The following NUP98 variants were observed in gnomAD, a reference collection of about 807,000 sequenced individuals.
NUP98 encodes nuclear pore complex protein Nup98-Nup96.
Under a neutral mutation model 191.9 loss-of-function variants are expected in NUP98, and 26 were observed. That is an observed-to-expected ratio of 0.14 (90% confidence interval 0.10 to 0.19). NUP98 has a LOEUF of 0.19. Among genes scored for constraint, NUP98 ranks in the 10% least tolerant of loss-of-function variants. NUP98 has a pLI of 1.00. For synonymous variants in NUP98, 808 were observed against 778.4 expected, an observed-to-expected ratio of 1.04 and a Z score of -0.63; for missense variants, 1,941 against 2,178.8, an observed-to-expected ratio of 0.89 and a Z score of 2.17.
At chr11:3,787,516 G>A (rs1240170416) in intron 1 of NUP98, among the ~76,000 whole-genome samples, 1 of 152,164 alleles carries the variant, frequency 6.6e-6, no homozygotes. Context: ...CCGGAAGGCA[G>A]AGGTTGCAGT....
At position 3,778,904 on chromosome 11, in the gene NUP98, G is replaced by C; in HGVS notation, c.324C>G (p.Ala108=). The C allele has an allele frequency of 6.2e-7, 1 of 1,614,152 alleles. No individual in the cohort carries two copies. Among genetic ancestry groups the C allele is most frequent in the Non-Finnish European group, 8.5e-7 (1 of 1,180,026 alleles). The stretch of plus-strand genomic sequence containing the variant: ...AGCCAGTTGGTTTATTTTGTGCAAA[G>C]GCATTGTTTTGGGATGAGAAGAGAC... ...GTSLFSSQNN[A]FAQNKPTGFG... The change falls in exon 4 of 33, where the codon GCC becomes GCG. Residue 108 remains alanine, a synonymous_variant. Coordinates refer to ENST00000324932, the MANE Select transcript of NUP98 (RefSeq NM_016320.5).
chr11:3,778,814 ACACATT>A, intron 4 of NUP98, 53 bp downstream of exon 4: 1 of 1,520,014 alleles, frequency 6.6e-7, no homozygotes. Context: ...AGAAAAGACA[ACACATT>A]CAATAAGCAA....
At chr11:3,683,075 G>T in intron 30 of NUP98, 125 bp downstream of exon 30, 1 of 1,411,888 alleles carries the variant, frequency 7.1e-7, no homozygotes, top group Non-Finnish European at 9.6e-7. Context: ...CTTTTGCAAA[G>T]TATGATTTGA....
intron 11 of NUP98, among the ~76,000 whole-genome samples, chr11:3,745,715 G>A (rs2134387258): frequency 6.6e-6 from 1 of 152,170 alleles, no homozygotes; most frequent in East Asian, 1.9e-4. Flanking sequence ...TAGCCTCTGA[G>A]TAGCTGGAAC....
intron 18 of NUP98, among the ~76,000 whole-genome samples, 184 bp downstream of exon 18, chr11:3,719,228 G>A (rs1010242710): frequency 2.6e-5 from 4 of 152,066 alleles, no homozygotes; most frequent in Non-Finnish European, 5.9e-5. Context: ...TCAGGGAAAA[G>A]GAGTTCAAAA....
intron 22 of NUP98, among the ~76,000 whole-genome samples, chr11:3,703,680 T>A (rs2078776945): frequency 6.6e-6 from 1 of 152,056 alleles, no homozygotes. Context: ...ATCCTAAAGG[T>A]AACGATTTCT....
intron 20 of NUP98, among the ~76,000 whole-genome samples, chr11:3,709,045 G>A (rs939539818): frequency 6.6e-6 from 1 of 152,126 alleles, no homozygotes; most frequent in Non-Finnish European, 1.5e-5. Flanking sequence ...TTGAAACAAG[G>A]CTGCCAATAC....
intron 4 of NUP98, among the ~76,000 whole-genome samples, chr11:3,778,643 T>C (rs2081839151): frequency 6.6e-6 from 1 of 152,248 alleles, no homozygotes; most frequent in South Asian, 2.1e-4. Context: ...TTCCTCTGCA[T>C]ATCCCTTAAA....
In NUP98 at chr11:3,779,142, A is replaced by T. The variant is rs1220967382; in HGVS notation, c.178+14T>A. ...CTACAAACAAACCAGTTATATCACAAATAAAGCCCCTACCTGGTTTAGTCT... is the reference window on the plus strand; with the variant it reads ...CTACAAACAAACCAGTTATATCACATATAAAGCCCCTACCTGGTTTAGTCT... On this transcript the variant is annotated intron_variant, in intron 3 of 32. Coordinates refer to ENST00000324932, the MANE Select transcript of NUP98 (RefSeq NM_016320.5). The T allele has an allele frequency of 6.2e-7, 1 of 1,613,518 alleles. No homozygotes were observed. The highest frequency in any genetic ancestry group is 1.1e-5 in the South Asian group (1 of 91,078).
chr11:3,782,448 TAATC>T (rs1379098458), intron 1 of NUP98, among the ~76,000 whole-genome samples: 3 of 152,044 alleles, frequency 2.0e-5, no homozygotes, highest in Non-Finnish European at 4.4e-5. Flanking sequence ...GTCCCCTTTT[TAATC>T]AATAAATATT....
At chr11:3,729,743 G>GAAAAAAAAAAAAAAAAAA (rs1699475051) in intron 14 of NUP98, among the ~76,000 whole-genome samples, 1 of 100,960 alleles carries the variant, frequency 9.9e-6, no homozygotes, top group Non-Finnish European at 2.2e-5. Flanking sequence ...AAAAAAAAAG[G>GAAAAAAAAAAAAAAAAAA]ATGACGTTTG....
chr11:3,729,836 A>T (rs1324906148), intron 14 of NUP98, among the ~76,000 whole-genome samples: 1 of 151,578 alleles, frequency 6.6e-6, no homozygotes, highest in African/African-American at 2.4e-5. Context: ...AATCCTTTCT[A>T]CTTGTATATT....
At position 3,779,053 on chromosome 11, in the gene NUP98, A is replaced by G. The variant is rs770169146; in HGVS notation, c.179-4T>C. ...GAACTGGTTCCAAACAATCCTCCTG[A>G]GGAGATGGAGAAGGAGGGAAAAAGT... is the stretch of plus-strand genomic sequence containing the variant. On this transcript the variant is annotated splice_polypyrimidine_tract_variant and splice_region_variant and intron_variant, in intron 3 of 32. Coordinates refer to ENST00000324932, the MANE Select transcript of NUP98 (RefSeq NM_016320.5). 3.1e-6 allele frequency: 5 copies of G among 1,614,152 alleles called. No individual in the cohort carries two copies. The South Asian group carries it at 5.5e-5, about 18-fold the overall frequency.
At chr11:3,697,912 A>C (rs1281421255) in intron 25 of NUP98, among the ~76,000 whole-genome samples, 6 of 152,026 alleles carry the variant, frequency 3.9e-5, no homozygotes, top group Admixed American at 1.3e-4. Flanking sequence ...AACTTAAAGA[A>C]GTAAATATAT....
In NUP98 at chr11:3,723,164, G is replaced by A. The variant is rs749996195; in HGVS notation, c.2139C>T (p.His713=). 7.5e-5 allele frequency: 121 copies of A among 1,613,890 alleles called. 1 individual carries two copies. Among genetic ancestry groups the A allele is most frequent in the South Asian group, 6.3e-4 (57 of 91,056 alleles). The part of the protein sequence containing the change: ...EEIENNSYHM[H]PAGIILTKVG... ...CACCAATCTGAACCTGACCTGCTGG[G>A]TGCATATGGTAAGAATTATTTTCTA... Residue 713 remains histidine (H), a synonymous_variant, in exon 16 of 33, where the codon CAC becomes CAT. Coordinates refer to ENST00000324932, the MANE Select transcript of NUP98 (RefSeq NM_016320.5).
At chr11:3,776,248 A>G (rs1237945879) in intron 4 of NUP98, among the ~76,000 whole-genome samples, 3 of 151,274 alleles carry the variant, frequency 2.0e-5, no homozygotes, top group Non-Finnish European at 4.4e-5. Flanking sequence ...CAGCCTCCCA[A>G]GTAGCTGGGA....
intron 20 of NUP98, chr11:3,712,308 G>C (rs533209842): frequency 2.7e-5 from 34 of 1,252,814 alleles, no homozygotes; most frequent in Non-Finnish European, 3.1e-5. Context: ...CCAAATGAGA[G>C]AGAACAAAGG....
At chr11:3,697,256 AAAAAG>A (rs937054155) in intron 25 of NUP98, 2 of 152,172 alleles carry the variant, frequency 1.3e-5, no homozygotes, top group East Asian at 3.8e-4. Flanking sequence ...TTTAAAAAAT[AAAAAG>A]AAAAGAAAAC....
At chr11:3,697,614 C>T (rs2078548183) in intron 25 of NUP98, among the ~76,000 whole-genome samples, 1 of 151,772 alleles carries the variant, frequency 6.6e-6, no homozygotes, top group South Asian at 2.1e-4. Context: ...TTTGAGACCA[C>T]CCTGGCCAAC....
Sources: allele counts gnomAD v4.1 joint callset (sites outside exome capture counted in the v4.1 genomes callset), GRCh38; gene constraint gnomAD v4.1.1; transcripts MANE v1.5; gene names NCBI Gene and HGNC (gene_info 2026-07-23, HGNC 2026-07-21).